EEF1E1: variants seen among roughly 807,000 people sequenced by gnomAD.
EEF1E1 encodes eukaryotic translation elongation factor 1 epsilon-1.
EEF1E1 carries 19 observed loss-of-function variants against 19.9 expected under a neutral mutation model. The observed-to-expected ratio is 0.95, with a 90% CI of 0.66 to 1.40. The LOEUF (loss-of-function observed/expected upper bound fraction) is 1.40, where lower values mean the gene tolerates loss of function less well. Ranked by LOEUF, EEF1E1 falls within the 40% of genes most tolerant of loss-of-function variation. EEF1E1 has a pLI of 0.00. For synonymous variants in EEF1E1, 81 were observed against 80.0 expected (o/e 1.01, Z -0.07); for missense variants, 198 against 202.2 (o/e 0.98, Z 0.13).
chr6:8,092,874 T>TG (rs1554099263), intron 2 of EEF1E1, among the ~76,000 whole-genome samples: 2 of 105,606 alleles, frequency 1.9e-5, no homozygotes, highest in African/African-American at 8.2e-5. Context: ...GACTGCTTTT[T>TG]TTTTTTTTTT....
intron 2 of EEF1E1, among the ~76,000 whole-genome samples, chr6:8,096,086 T>C (rs1036722254): frequency 3.3e-5 from 5 of 152,238 alleles, no homozygotes; most frequent in Non-Finnish European, 1.5e-5. Context: ...CAATTAAATA[T>C]TTACATGTCT....
In EEF1E1 at chr6:8,079,503, TA is replaced by T. The variant is rs1757673478; in HGVS notation, c.*386del. 1.0e-6 allele frequency: 1 copy of T among 994,366 alleles called. No individual in the cohort carries two copies. The highest frequency in any genetic ancestry group is 1.2e-6 in the Non-Finnish European group (1 of 834,538). The allele number at this position is 994,366 out of a possible 1,614,324, so 61.6% of individuals were successfully genotyped here. ...TTTATCAGTTCTTAACAAACTACCATAAATATCCATAAGGGGAAAATGAATT... is the reference window on the plus strand; with the variant it reads ...TTTATCAGTTCTTAACAAACTACCATAATATCCATAAGGGGAAAATGAATT... On this transcript the variant is annotated 3_prime_UTR_variant, in exon 4 of 4. Transcript: ENST00000379715.
chr6:8,095,196 G>T (rs1054745321), intron 2 of EEF1E1, among the ~76,000 whole-genome samples: 12 of 151,976 alleles, frequency 7.9e-5, no homozygotes, highest in African/African-American at 2.9e-4. Context: ...ACACATTGTC[G>T]GTGAACAAAA....
intron 3 of EEF1E1, chr6:8,089,931 CTGA>C (rs2113652135): frequency 5.2e-6 from 2 of 382,862 alleles, no homozygotes; most frequent in South Asian, 2.8e-4. Context: ...TCATTTTTAT[CTGA>C]TAAGCTGAAA....
At chr6:8,082,997 A>G (rs939082352) in intron 3 of EEF1E1, among the ~76,000 whole-genome samples, 1 of 152,168 alleles carries the variant, frequency 6.6e-6, no homozygotes, top group Non-Finnish European at 1.5e-5. Context: ...CTTTCTTACA[A>G]CAGGAAACAA....
At position 8,097,414 on chromosome 6, in the gene EEF1E1, T is replaced by C. The variant is rs1273412362; in HGVS notation, c.141A>G (p.Ile47Met). Residue 47 changes from isoleucine (I) to methionine (M), a missense_variant, in exon 2 of 4, where the codon ATA becomes ATG. Physicochemically the swap from Ile to Met is conservative, Grantham distance 10. Coordinates refer to ENST00000379715, the MANE Select transcript of EEF1E1 (RefSeq NM_004280.5). ...TGGCTTGCTTGACTAGATGAGCTGC[T>C]ATAGTAGTCAATCCTGTTAGACTTG... is the stretch of plus-strand genomic sequence containing the variant. The part of the protein sequence containing the change: ...NGPSLTGLTT[I>M]AAHLVKQANK... 6.2e-7 allele frequency: 1 copy of C among 1,614,062 alleles called. No homozygotes were observed. Among genetic ancestry groups the C allele is most frequent in the Non-Finnish European group, 8.5e-7 (1 of 1,180,042 alleles).
At chr6:8,099,770 ACACACACAC>A (rs1758278674) in intron 1 of EEF1E1, among the ~76,000 whole-genome samples, 1 of 122,288 alleles carries the variant, frequency 8.2e-6, no homozygotes, top group African/African-American at 3.2e-5. Context: ...ACACACACAC[ACACACACAC>A]ACACACACAC....
intron 1 of EEF1E1, chr6:8,101,841 G>A: frequency 7.8e-7 from 1 of 1,288,380 alleles, no homozygotes; most frequent in Non-Finnish European, 1.0e-6. Flanking sequence ...CGCCTTCCCC[G>A]AATCCCCTAG....
intron 3 of EEF1E1, among the ~76,000 whole-genome samples, chr6:8,089,270 C>T (rs1245320433): frequency 6.6e-6 from 1 of 152,002 alleles, no homozygotes; most frequent in African/African-American, 2.4e-5. Flanking sequence ...AAATTAGACA[C>T]TAAGAGATCA....
intron 1 of EEF1E1, among the ~76,000 whole-genome samples, chr6:8,100,194 T>C (rs867689129): frequency 6.6e-6 from 1 of 152,204 alleles, no homozygotes; most frequent in African/African-American, 2.4e-5. Context: ...AAACTGTAAT[T>C]TGGGGTTTAC....
Position 8,081,970 on chromosome 6 carries a change from A to G in EEF1E1, c.385-1940T>C, listed in dbSNP as rs778767847. Reference sequence around the variant, plus strand: ...AAGCATTTCCAAACAATAGAGTACTAATGCTTGTTTATGTTCAAGTTGTTC... The same window carrying G: ...AAGCATTTCCAAACAATAGAGTACTGATGCTTGTTTATGTTCAAGTTGTTC... On this transcript the variant is annotated intron_variant, in intron 3 of 3. Transcript: ENST00000379715. Among the ~76,000 whole-genome samples the G allele has an allele frequency of 6.2e-4, 95 of 152,190 alleles. 1 individual carries two copies. The highest frequency in any genetic ancestry group is 3.7e-4 in the Non-Finnish European group (25 of 68,026).
rs199745020 is a variant in EEF1E1 at position 8,081,331 on chromosome 6, TAGTC to T, written c.385-1305_385-1302del. ...TACTACAACTGTCTCACCTATAACATAGTCAGTCCATGGCACAGAGATAAATAAC... is the reference window on the plus strand; with the variant it reads ...TACTACAACTGTCTCACCTATAACATAGTCCATGGCACAGAGATAAATAAC... On this transcript the variant is annotated intron_variant, in intron 3 of 3. Coordinates refer to ENST00000379715, the MANE Select transcript of EEF1E1 (RefSeq NM_004280.5). Among the ~76,000 whole-genome samples the T allele has an allele frequency of 7.8e-3, 1,181 of 152,352 alleles. 15 individuals carry two copies. Among genetic ancestry groups the T allele is most frequent in the African/African-American group, 0.027 (1,102 of 41,580 alleles).
chr6:8,081,714 G>A (rs1757727482), intron 3 of EEF1E1, among the ~76,000 whole-genome samples: 1 of 152,112 alleles, frequency 6.6e-6, no homozygotes, highest in African/African-American at 2.4e-5. Flanking sequence ...AACAAGAAAT[G>A]GGAGCTTTCT....
chr6:8,078,580 C>A (rs1757654069), downstream of EEF1E1: 3 of 1,062,090 alleles, frequency 2.8e-6, no homozygotes, highest in Non-Finnish European at 3.5e-6. Context: ...GCAGGGTTGC[C>A]ACAAACCTTC....
chr6:8,088,419 G>A (rs1489922449), intron 3 of EEF1E1, among the ~76,000 whole-genome samples: 2 of 152,174 alleles, frequency 1.3e-5, no homozygotes, highest in Non-Finnish European at 2.9e-5. Context: ...TGTCACAGGA[G>A]GAACCTGGTG....
chr6:8,100,701 C>T (rs1758324396), intron 1 of EEF1E1, among the ~76,000 whole-genome samples: 1 of 151,978 alleles, frequency 6.6e-6, no homozygotes, highest in African/African-American at 2.4e-5. Flanking sequence ...TCCTCTCTTA[C>T]TAACTTGCCT....
intron 3 of EEF1E1, chr6:8,073,573 C>T (rs1757529904): frequency 5.2e-6 from 8 of 1,534,438 alleles, no homozygotes; most frequent in Non-Finnish European, 7.0e-6. Context: ...GCCTGATACA[C>T]ACTAAATGCT....
rs1271033598 is a variant in EEF1E1, at chr6:8,101,243, A to AAAAAAAT, written c.87+1191_87+1192insATTTTTT. On this transcript the variant is annotated intron_variant, in intron 1 of 3. Coordinates refer to ENST00000379715, the MANE Select transcript of EEF1E1 (RefSeq NM_004280.5). ...TTTGTCTCAAAAAAAAAAAAAAAAAAATATATATATATATATATATATATA... is the reference window on the plus strand; with the variant it reads ...TTTGTCTCAAAAAAAAAAAAAAAAAAAAAAAATATATATATATATATATATATATATA... Among the ~76,000 whole-genome samples, 18 of 58,468 alleles carry AAAAAAAT rather than the reference A, an allele frequency of 3.1e-4. 1 individual carries two copies. Among genetic ancestry groups the AAAAAAAT allele is most frequent in the East Asian group, 5.3e-4 (1 of 1,888 alleles). The allele number at this position is 58,468 out of a possible 152,430, so 38.4% of individuals were successfully genotyped here. A position where few individuals can be genotyped will look rare whatever the true frequency, so the allele number is the denominator to read the frequency against.
chr6:8,075,161 G>A (rs1338842302), downstream of EEF1E1, among the ~76,000 whole-genome samples: 3 of 152,152 alleles, frequency 2.0e-5, no homozygotes, highest in Non-Finnish European at 4.4e-5. Context: ...ATAGCAGACC[G>A]AGTGGTTAGC....
Sources: gnomAD v4.1 joint callset for allele counts (sites outside exome capture counted in the v4.1 genomes callset) on GRCh38, gnomAD v4.1.1 for gene constraint, MANE v1.5 for transcripts, NCBI Gene and HGNC (gene_info 2026-07-23, HGNC 2026-07-21) for gene names.